CFAP52: variants seen among roughly 807,000 people sequenced by gnomAD.
CFAP52 encodes cilia and flagella associated protein 52, also known as cilia- and flagella-associated protein 52.
A neutral mutation model predicts 70.5 loss-of-function variants in CFAP52; 57 were observed. That is an observed-to-expected ratio of 0.81 (90% CI 0.65 to 1.01). The LOEUF (loss-of-function observed/expected upper bound fraction) is 1.01. Among genes scored for constraint, CFAP52 ranks in the 50% least tolerant of loss-of-function variants. The pLI is 0.00. For missense variants in CFAP52, 785 were observed against 788.5 expected, an observed-to-expected ratio of 1.00 and a Z score of 0.05; for synonymous variants, 267 against 292.5, an observed-to-expected ratio of 0.91 and a Z score of 0.89.
At chr17:9,607,446 A>G (rs1322686039) in intron 6 of CFAP52, among the ~76,000 whole-genome samples, 1 of 152,220 alleles carries the variant, frequency 6.6e-6, no homozygotes, top group Non-Finnish European at 1.5e-5. Context: ...ACCATCATAC[A>G]TTGTCAAGCC....
Position 9,643,034 on chromosome 17 carries a change from C to A in CFAP52, c.1699C>A (p.His567Asn). The A allele has an allele frequency of 2.5e-6, 4 of 1,597,586 alleles. No homozygotes were observed. The highest frequency in any genetic ancestry group is 3.4e-6 in the Non-Finnish European group (4 of 1,172,100). ...GVHFVTGGND[H>N]LVKVWDYNEG... ...TTTATCTTTTTCAGGTGGAAATGAC[C>A]ATCTGGTCAAAGTTTGGGATTATAA... The change falls in exon 14 of 14, where the codon CAT (histidine) becomes AAT (asparagine). Residue 567 changes from histidine to asparagine, a missense_variant. By Grantham distance (68) the His-to-Asn change is moderately conservative. Coordinates refer to ENST00000352665, the MANE Select transcript of CFAP52 (RefSeq NM_145054.5).
rs774884333 is a variant in CFAP52 at position 9,641,747 on chromosome 17, T to A, written c.1599T>A (p.Asp533Glu). 6.2e-7 allele frequency: 1 copy of A among 1,613,834 alleles called. No homozygotes were observed. The highest frequency in any genetic ancestry group is 8.5e-7 in the Non-Finnish European group (1 of 1,179,808). ...AGATTGCTTACTGGGAAGTATTTGA[T>A]GGGACAGTAATCAGAGAATTGGAAG... ...DRKIAYWEVF[D>E]GTVIRELEGS... The change falls in exon 13 of 14, where the codon GAT becomes GAA. Residue 533 changes from aspartate to glutamate, a missense_variant. Asp to Glu is a conservative substitution (Grantham distance 45). Transcript: ENST00000352665.
chr17:9,629,641 G>A (rs1043460541), intron 9 of CFAP52, among the ~76,000 whole-genome samples: 32 of 149,570 alleles, frequency 2.1e-4, no homozygotes, highest in Non-Finnish European at 4.0e-4. Flanking sequence ...TCTGCCTCCC[G>A]TGTTCAAGCA....
At chr17:9,599,011 T>C (rs544722035) in intron 5 of CFAP52, among the ~76,000 whole-genome samples, 10 of 152,340 alleles carry the variant, frequency 6.6e-5, no homozygotes, top group African/African-American at 2.2e-4. Context: ...AAATCCATTG[T>C]TGAAATGCAA....
At position 9,611,693 on chromosome 17, in the gene CFAP52, G is replaced by T. The variant is rs75250905; in HGVS notation, c.855-616G>T. On this transcript the variant is annotated intron_variant, in intron 7 of 13. Transcript: ENST00000352665. ...AAATGATTTTACTTATAAATAAAATGTTGTATTCTAATTTTTTACTTAATG... is the reference window on the plus strand; with the variant it reads ...AAATGATTTTACTTATAAATAAAATTTTGTATTCTAATTTTTTACTTAATG... Among the ~76,000 whole-genome samples, 614 of 152,166 alleles carry T rather than the reference G, an allele frequency of 4.0e-3. 6 individuals are homozygous for T. The highest frequency in any genetic ancestry group is 0.014 in the African/African-American group (562 of 41,524).
intron 9 of CFAP52, among the ~76,000 whole-genome samples, chr17:9,632,596 T>A (rs1463473223): frequency 1.3e-5 from 2 of 151,532 alleles, no homozygotes; most frequent in Non-Finnish European, 1.5e-5. Flanking sequence ...GAATGTTTTT[T>A]AACAGTAAAG....
At chr17:9,612,114 C>G (rs1307306694) in intron 7 of CFAP52, among the ~76,000 whole-genome samples, 195 bp from the exon 8 acceptor site, 1 of 152,214 alleles carries the variant, frequency 6.6e-6, no homozygotes, top group Non-Finnish European at 1.5e-5. Context: ...ACTACTTTAA[C>G]CTATGCTGAC....
At position 9,586,812 on chromosome 17, in the gene CFAP52, C is replaced by T; in HGVS notation, c.385C>T (p.Leu129=). 6.2e-7 allele frequency: 1 copy of T among 1,608,040 alleles called. No individual in the cohort carries two copies. The highest frequency in any genetic ancestry group is 8.5e-7 in the Non-Finnish European group (1 of 1,178,342). ...TCCAAATGATTTGTACTTGGTATCA[C>T]TAGGAGGCCCAGATGACGGAAGGTA... ...FSPNDLYLVS[L]GGPDDGSVVV... The change falls in exon 3 of 14, where the codon CTA becomes TTA. Residue 129 remains leucine, a synonymous_variant. Coordinates refer to ENST00000352665, the MANE Select transcript of CFAP52 (RefSeq NM_145054.5).
At chr17:9,638,769 G>A (rs572412822) in intron 12 of CFAP52, 58 bp downstream of exon 12, 41 of 1,560,570 alleles carry the variant, frequency 2.6e-5, no homozygotes, top group South Asian at 1.0e-4. Flanking sequence ...GCAGTGAGGC[G>A]TTGTGGTGGA....
At chr17:9,616,143 CACCGTGCGCGA>C (rs1303681482) in intron 8 of CFAP52, among the ~76,000 whole-genome samples, 4,593 of 150,748 alleles carry the variant, frequency 0.03, 230 homozygotes, top group African/African-American at 0.1. Context: ...TGTGTGCGCG[CACCGTGCGCGA>C]GCCGAAGCAG....
intron 2 of CFAP52, 91 bp from the exon 3 acceptor site, chr17:9,586,607 A>G: frequency 1.5e-6 from 2 of 1,325,150 alleles, no homozygotes; most frequent in Non-Finnish European, 2.0e-6. Context: ...GAAAAGTGAC[A>G]GTACTAATTG....
At chr17:9,642,543 G>A (rs969224450) in intron 13 of CFAP52, among the ~76,000 whole-genome samples, 7 of 152,310 alleles carry the variant, frequency 4.6e-5, no homozygotes, top group African/African-American at 1.7e-4. Flanking sequence ...AGAATTGCTT[G>A]AGCCTGGGAG....
chr17:9,639,492 T>C (rs1471672510), intron 12 of CFAP52, among the ~76,000 whole-genome samples: 2 of 151,982 alleles, frequency 1.3e-5, no homozygotes, highest in African/African-American at 4.8e-5. Context: ...AGGTGAAGGT[T>C]CATCCTTCTG....
chr17:9,583,982 C>G (rs1314642150), intron 1 of CFAP52, among the ~76,000 whole-genome samples: 1 of 152,188 alleles, frequency 6.6e-6, no homozygotes, highest in Non-Finnish European at 1.5e-5. Flanking sequence ...CAAAGACCAC[C>G]TCACCGAGTT....
At chr17:9,579,797 A>G (rs535868540) in intron 1 of CFAP52, among the ~76,000 whole-genome samples, 2 of 152,212 alleles carry the variant, frequency 1.3e-5, no homozygotes, top group South Asian at 4.1e-4. Context: ...TGAACTCCTG[A>G]CCTCAGGTGA....
At chr17:9,597,261 C>T in intron 4 of CFAP52, among the ~76,000 whole-genome samples, 1 of 152,064 alleles carries the variant, frequency 6.6e-6, no homozygotes, top group East Asian at 1.9e-4. Flanking sequence ...CGTACATATA[C>T]CACATTTTAA....
chr17:9,610,531 A>ATTT lies in CFAP52; in HGVS notation c.855-1768_855-1766dup, dbSNP rs58955810. ...CAGTGCCAAGATCTTTCCTTTCCCC[A>ATTT]TTTTTTTTTTTTGTTTGTTTTGAGA... is the stretch of plus-strand genomic sequence containing the variant. On this transcript the variant is annotated intron_variant, in intron 7 of 13. Transcript: ENST00000352665. Among the ~76,000 whole-genome samples, 101 of 145,404 alleles carry ATTT rather than the reference A, an allele frequency of 6.9e-4. No homozygotes were observed. The Middle Eastern group carries it at 0.011, about 15-fold the overall frequency.
intron 8 of CFAP52, among the ~76,000 whole-genome samples, chr17:9,621,889 G>C (rs1030347675): frequency 6.8e-5 from 10 of 147,406 alleles, no homozygotes; most frequent in Non-Finnish European, 1.5e-4. Flanking sequence ...AGCATTGGGA[G>C]ATATACCTAA....
chr17:9,621,992 C>G (rs1196857392), intron 8 of CFAP52, among the ~76,000 whole-genome samples: 2 of 151,704 alleles, frequency 1.3e-5, no homozygotes, highest in Non-Finnish European at 2.9e-5. Flanking sequence ...TACCCTAAAA[C>G]TTAGAGTATA....
Sources: gnomAD v4.1 joint callset for allele counts (sites outside exome capture counted in the v4.1 genomes callset) on GRCh38, gnomAD v4.1.1 for gene constraint, MANE v1.5 for transcripts, NCBI Gene and HGNC (gene_info 2026-07-23, HGNC 2026-07-21) for gene names.